Variants in HDAC9 observed in about 807,000 individuals in gnomAD.
The protein encoded by HDAC9 is MEF-2 interacting transcription repressor (MITR) protein.
HDAC9 carries 41 observed loss-of-function variants against 139.4 expected under a neutral mutation model. That is an observed-to-expected ratio of 0.29 (90% CI 0.23 to 0.38). The LOEUF (loss-of-function observed/expected upper bound fraction) is 0.38, where lower values mean the gene tolerates loss of function less well. HDAC9 is among the 10% of genes least tolerant of loss of function. The pLI is 1.00. For missense variants in HDAC9, 1,147 were observed against 1,297.0 expected (o/e 0.88, Z 1.78); for synonymous variants, 517 against 476.2 (o/e 1.09, Z -1.12).
chr7:18,957,435 A>G (rs1783230774), intron 24 of HDAC9, among the ~76,000 whole-genome samples: 1 of 152,132 alleles, frequency 6.6e-6, no homozygotes, highest in South Asian at 2.1e-4. Context: ...AAGATATGAA[A>G]TCGCACTCTT....
chr7:18,951,329 CCCTGTCACTGAG>C (rs1436825876), intron 23 of HDAC9, among the ~76,000 whole-genome samples: 1 of 151,884 alleles, frequency 6.6e-6, no homozygotes, highest in Non-Finnish European at 1.5e-5. Context: ...AAATAAATTT[CCCTGTCACTGAG>C]CCTGAAAATC....
chr7:18,311,406 T>C (rs1297352761), intron 1 of HDAC9, among the ~76,000 whole-genome samples: 1 of 152,164 alleles, frequency 6.6e-6, no homozygotes, highest in Non-Finnish European at 1.5e-5. Flanking sequence ...CCTTCCATTT[T>C]ATTATGTTTA....
rs149000625 is a variant in HDAC9 at position 18,749,001 on chromosome 7, A to G, written c.1910-4A>G. 729 of 1,613,036 alleles carry G rather than the reference A, an allele frequency of 4.5e-4. 5 individuals are homozygous for G. The African/African-American group carries it at 8.9e-3, about 20-fold the overall frequency. On this transcript the variant is annotated splice_region_variant and splice_polypyrimidine_tract_variant and intron_variant, in intron 13 of 25. Transcript: ENST00000686413. ...TCTTGTCCTGTATTTCCCTTGTCTT[A>G]AAGGAATTGCCTATGACCCCTTGAT... is the stretch of plus-strand genomic sequence containing the variant.
At chr7:18,707,398 C>T (rs1210328433) in intron 12 of HDAC9, among the ~76,000 whole-genome samples, 1 of 152,088 alleles carries the variant, frequency 6.6e-6, no homozygotes, top group East Asian at 1.9e-4. Context: ...GATTTATCTT[C>T]AGGAGGAATG....
At chr7:18,100,423 A>G (rs908153950) in intron 1 of HDAC9, among the ~76,000 whole-genome samples, 1 of 152,190 alleles carries the variant, frequency 6.6e-6, no homozygotes, top group Middle Eastern at 3.4e-3. Flanking sequence ...TCTCTTATTC[A>G]GGAACTCCAG....
chr7:18,329,983 A>ATGTGTG lies in HDAC9; in HGVS notation c.-42+39486_-42+39491dup, dbSNP rs35227059. 4.7e-3 allele frequency among the ~76,000 whole-genome samples: 525 copies of ATGTGTG among 111,886 alleles called. 2 individuals carry two copies. Among genetic ancestry groups the ATGTGTG allele is most frequent in the African/African-American group, 0.018 (507 of 28,556 alleles). The allele number at this position is 111,886 out of a possible 152,430, so 73.4% of individuals were successfully genotyped here. A position where few individuals can be genotyped will look rare whatever the true frequency, so the allele number is the denominator to read the frequency against. On this transcript the variant is annotated intron_variant, in intron 1 of 3. Transcript: ENST00000413509. ...TTGCTGCATTCTAAGGCTTGTGTGT[A>ATGTGTG]TGTGTGTGTGTGTGTGTGTGTGTTC...
chr7:18,159,839 G>A (rs781736106), intron 1 of HDAC9, among the ~76,000 whole-genome samples: 1 of 152,262 alleles, frequency 6.6e-6, no homozygotes, highest in South Asian at 2.1e-4. Flanking sequence ...AGACCAATGT[G>A]TCATGTGGAG....
intron 22 of HDAC9, among the ~76,000 whole-genome samples, chr7:18,926,365 C>T (rs981490992): frequency 3.3e-5 from 5 of 152,068 alleles, no homozygotes; most frequent in Admixed American, 2.6e-4. Context: ...TGTATAAATA[C>T]TGAGCATCTG....
intron 2 of HDAC9, among the ~76,000 whole-genome samples, chr7:18,218,113 A>G (rs750133483): frequency 6.6e-6 from 1 of 152,172 alleles, no homozygotes; most frequent in Non-Finnish European, 1.5e-5. Context: ...GACAGAGTAA[A>G]GTGGAAGCTA....
chr7:18,573,544 C>G (rs1000646414), intron 2 of HDAC9, among the ~76,000 whole-genome samples: 1 of 152,186 alleles, frequency 6.6e-6, no homozygotes, highest in Admixed American at 6.5e-5. Flanking sequence ...GCACTCGGCT[C>G]GTGCTGCCAG....
At position 18,574,932 on chromosome 7, in the gene HDAC9, AC is replaced by A. The variant is rs200028521; in HGVS notation, c.23-10345del. 4.8e-3 allele frequency among the ~76,000 whole-genome samples: 729 copies of A among 152,164 alleles called. 3 individuals carry two copies. Among genetic ancestry groups the A allele is most frequent in the African/African-American group, 0.017 (688 of 41,528 alleles). On this transcript the variant is annotated intron_variant, in intron 2 of 25. Transcript: ENST00000686413. Reference sequence around the variant, plus strand: ...TGCCTGGGTCCATAGCTGCAGCTGCACCCCGGAGGGTGGGGCTTCTGCCCCT... The same window carrying A: ...TGCCTGGGTCCATAGCTGCAGCTGCACCCGGAGGGTGGGGCTTCTGCCCCT...
chr7:18,835,385 C>A, intron 19 of HDAC9, 82 bp from the exon 20 acceptor site: 1 of 1,384,448 alleles, frequency 7.2e-7, no homozygotes, highest in Non-Finnish European at 9.7e-7. Context: ...GGTAGAAAGA[C>A]AGGGAACTAG....
chr7:18,386,037 A>G (rs1270617230), intron 1 of HDAC9, among the ~76,000 whole-genome samples: 1 of 151,856 alleles, frequency 6.6e-6, no homozygotes, highest in Admixed American at 6.6e-5. Flanking sequence ...ATACTTATTC[A>G]TTTTCTATTT....
chr7:18,123,905 T>C (rs1478322547), intron 1 of HDAC9, among the ~76,000 whole-genome samples: 2 of 152,202 alleles, frequency 1.3e-5, no homozygotes, highest in Admixed American at 1.3e-4. Flanking sequence ...TTGGAAGATG[T>C]CCACCAAATA....
intron 2 of HDAC9, among the ~76,000 whole-genome samples, chr7:18,280,965 G>T (rs1797067668): frequency 1.3e-5 from 2 of 152,184 alleles, no homozygotes; most frequent in South Asian, 2.1e-4. Flanking sequence ...GAAGGAAAAA[G>T]AATTAAATGA....
chr7:18,473,552 A>G (rs1198826102), intron 1 of HDAC9, among the ~76,000 whole-genome samples: 3 of 152,274 alleles, frequency 2.0e-5, no homozygotes, highest in African/African-American at 7.2e-5. Context: ...AAGCCAAGCC[A>G]TAGCATAACT....
At position 18,916,022 on chromosome 7, in the gene HDAC9, G is replaced by GGAAAAAAAAAAAAAAA. The variant is rs1491394538; in HGVS notation, c.2804-19787_2804-19786insGAAAAAAAAAAAAAAA. ...CAGACCCTCCTCTCACCCCCCGCTG[G>GGAAAAAAAAAAAAAAA]AAAAAAAAAAAAAAAACAGAAAAAG... On this transcript the variant is annotated intron_variant, in intron 22 of 25. Coordinates refer to ENST00000686413, the MANE Select transcript of HDAC9 (RefSeq NM_178425.4). 3.8e-4 allele frequency among the ~76,000 whole-genome samples: 53 copies of GGAAAAAAAAAAAAAAA among 138,100 alleles called. 1 individual carries two copies. Among genetic ancestry groups the GGAAAAAAAAAAAAAAA allele is most frequent in the South Asian group, 2.6e-3 (11 of 4,246 alleles). The allele number at this position is 138,100 out of a possible 152,430, so 90.6% of individuals were successfully genotyped here.
intron 14 of HDAC9, among the ~76,000 whole-genome samples, chr7:18,760,942 A>G (rs1004556943): frequency 6.6e-6 from 1 of 152,196 alleles, no homozygotes; most frequent in Non-Finnish European, 1.5e-5. Flanking sequence ...CCTCGTCCTG[A>G]GAGAGGTGTT....
chr7:18,258,427 A>G (rs1795420776), intron 2 of HDAC9, among the ~76,000 whole-genome samples: 1 of 152,166 alleles, frequency 6.6e-6, no homozygotes, highest in African/African-American at 2.4e-5. Flanking sequence ...TGTTGCATCC[A>G]TTACCCCAAG....
Sources: allele counts gnomAD v4.1 joint callset (sites outside exome capture counted in the v4.1 genomes callset), GRCh38; gene constraint gnomAD v4.1.1; transcripts MANE v1.5; gene names NCBI Gene and HGNC (gene_info 2026-07-23, HGNC 2026-07-21).